The following FHDC1 variants were observed in gnomAD, a reference collection of about 807,000 sequenced individuals.
FHDC1 encodes the protein FH2 domain containing 1.
A neutral mutation model predicts 52.6 loss-of-function variants in FHDC1; 25 were observed. The ratio of observed to expected loss-of-function variants is 0.48; its 90% CI spans 0.35 to 0.66. FHDC1 has a LOEUF of 0.66. Among genes scored for constraint, FHDC1 ranks in the 30% least tolerant of loss-of-function variants. FHDC1 has a pLI of 0.01. For synonymous variants in FHDC1, 616 were observed against 581.5 expected, an observed-to-expected ratio of 1.06 and a Z score of -0.85; for missense variants, 1,459 against 1,452.8, an observed-to-expected ratio of 1.00 and a Z score of -0.07.
intron 10 of FHDC1, among the ~76,000 whole-genome samples, chr4:152,969,965 T>C (rs1370174251): frequency 1.3e-5 from 2 of 152,208 alleles, no homozygotes; most frequent in Admixed American, 6.5e-5. Flanking sequence ...GCCAACCCAG[T>C]CATTTTTATC....
intron 9 of FHDC1, among the ~76,000 whole-genome samples, chr4:152,965,634 T>C (rs1022733721): frequency 2.6e-5 from 4 of 152,242 alleles, no homozygotes; most frequent in African/African-American, 9.6e-5. Context: ...CGGTAAATGT[T>C]CAATAACCAG....
At chr4:152,969,030 A>G (rs940288678) in intron 10 of FHDC1, among the ~76,000 whole-genome samples, 1 of 151,978 alleles carries the variant, frequency 6.6e-6, no homozygotes, top group Admixed American at 6.6e-5. Context: ...TGTTTGTGAC[A>G]GCTCACTGTG....
rs559788253 is a variant in FHDC1 at position 152,977,973 on chromosome 4, A to C, written c.*1250A>C. 7 of 152,402 alleles carry C rather than the reference A, an allele frequency of 4.6e-5. No individual in the cohort carries two copies. Among genetic ancestry groups the C allele is most frequent in the African/African-American group, 1.4e-4 (6 of 41,590 alleles). 9.4% of individuals were successfully genotyped at this position (152,402 alleles called of 1,614,324 possible). ...AGGAACAGGAGGGAAAGTTGGACTC[A>C]GACAGAAATCAGATGCTTCCATGTA... On this transcript the variant is annotated 3_prime_UTR_variant, in exon 12 of 12. Transcript: ENST00000511601.
Position 152,976,081 on chromosome 4 carries a change from TC to T in FHDC1, c.2796del (p.Ser933AlafsTer115). On this transcript the variant is annotated frameshift_variant, in exon 12 of 12. Transcript: ENST00000511601. LOFTEE classifies it low-confidence loss of function (END_TRUNC). ...TGTCATCCCGGGGGCCCTCCCAGAATCCCCCCAGCAGCACAGATACTGTGTG... is the reference window on the plus strand; with the variant it reads ...TGTCATCCCGGGGGCCCTCCCAGAATCCCCCAGCAGCACAGATACTGTGTG... ...ELSSRGPSQN[P>X]PSSTDTVWSR... The T allele has an allele frequency of 1.2e-6, 2 of 1,603,146 alleles. No individual in the cohort carries two copies. Among genetic ancestry groups the T allele is most frequent in the South Asian group, 1.1e-5 (1 of 89,980 alleles).
chr4:152,942,924 C>A lies in FHDC1; in HGVS notation c.-130-4C>A. On this transcript the variant is annotated splice_region_variant and splice_polypyrimidine_tract_variant and intron_variant, in intron 1 of 11. Coordinates refer to ENST00000511601, the MANE Select transcript of FHDC1 (RefSeq NM_001371116.1). ...CTGATTTGATATTTATTTTATCTTGCTAGGTTTGGAAGAGGACAGTTGCCC... is the reference window on the plus strand; with the variant it reads ...CTGATTTGATATTTATTTTATCTTGATAGGTTTGGAAGAGGACAGTTGCCC... 1.1e-6 allele frequency: 1 copy of A among 895,624 alleles called. No homozygotes were observed. Among genetic ancestry groups the A allele is most frequent in the Non-Finnish European group, 1.7e-6 (1 of 593,138 alleles). The allele number at this position is 895,624 out of a possible 1,614,324, so 55.5% of individuals were successfully genotyped here.
the FHDC1 span, among the ~76,000 whole-genome samples, chr4:152,917,649 TA>T: frequency 1.3e-5 from 2 of 151,628 alleles, no homozygotes; most frequent in Non-Finnish European, 2.9e-5. Flanking sequence ...TGGCAATGGT[TA>T]CTATATAATC....
chr4:152,936,652 G>A (rs920831624), intron 1 of FHDC1, among the ~76,000 whole-genome samples: 6 of 152,270 alleles, frequency 3.9e-5, no homozygotes, highest in East Asian at 1.9e-4. Context: ...CCCTTACCCG[G>A]CCACGGAGAA....
At position 152,970,546 on chromosome 4, in the gene FHDC1, C is replaced by T. The variant is rs1190414531; in HGVS notation, c.1219-1831C>T. On this transcript the variant is annotated intron_variant, in intron 10 of 11. Coordinates refer to ENST00000511601, the MANE Select transcript of FHDC1 (RefSeq NM_001371116.1). ...AACATACGAGGTGGAGCTGAGCTCCCATGTAGATTCTTGTCAAGAGGCCTA... is the reference window on the plus strand; with the variant it reads ...AACATACGAGGTGGAGCTGAGCTCCTATGTAGATTCTTGTCAAGAGGCCTA... 2.6e-5 allele frequency among the ~76,000 whole-genome samples: 4 copies of T among 152,188 alleles called. No individual in the cohort carries two copies. In the East Asian group the frequency reaches 7.7e-4, roughly 29 times the overall value.
intron 3 of FHDC1, 51 bp from the exon 4 acceptor site, chr4:152,954,166 G>A: frequency 6.7e-7 from 1 of 1,502,046 alleles, no homozygotes; most frequent in South Asian, 1.1e-5. Flanking sequence ...TTGCACCTCT[G>A]TTGGCACTCC....
upstream of FHDC1, among the ~76,000 whole-genome samples, chr4:152,933,376 G>T (rs944090610): frequency 6.6e-6 from 1 of 152,194 alleles, no homozygotes; most frequent in Non-Finnish European, 1.5e-5. Context: ...GAACTCTATT[G>T]AAGAGTTGCG....
chr4:152,976,129 G>A lies in FHDC1; in HGVS notation c.2838G>A (p.Arg946=), dbSNP rs1189902401. 15 of 1,611,466 alleles carry A rather than the reference G, an allele frequency of 9.3e-6. No homozygotes were observed. Among genetic ancestry groups the A allele is most frequent in the Non-Finnish European group, 1.3e-5 (15 of 1,179,186 alleles). The change falls in exon 12 of 12, where the codon CGG becomes CGA. Residue 946 remains arginine, a synonymous_variant. Transcript: ENST00000511601. ...DTVWSRQNSV[R]RASTGAEEQR... is the part of the protein sequence containing the mutation. ...TGTGGTCACGCCAGAACTCCGTGCGGAGGGCCTCCACAGGCGCCGAAGAGC... is the reference window on the plus strand; with the variant it reads ...TGTGGTCACGCCAGAACTCCGTGCGAAGGGCCTCCACAGGCGCCGAAGAGC...
At position 152,975,267 on chromosome 4, in the gene FHDC1, A is replaced by C; in HGVS notation, c.1976A>C (p.Gln659Pro). The C allele has an allele frequency of 6.2e-7, 1 of 1,613,514 alleles. No individual in the cohort carries two copies. The highest frequency in any genetic ancestry group is 8.5e-7 in the Non-Finnish European group (1 of 1,180,038). ...GAGCCGGTGAGCCTGGGCTCAGCAC[A>C]GTCCCCTCCTCTCTCGCCATTGGCT... ...YSEPVSLGSA[Q>P]SPPLSPLALG... Residue 659 changes from glutamine to proline, a missense_variant, in exon 12 of 12, where the codon CAG becomes CCG. This residue lies in a region of FHDC1 where 939 missense variants were observed against 854.5 expected (regional missense o/e 1.10). Coordinates refer to ENST00000511601, the MANE Select transcript of FHDC1 (RefSeq NM_001371116.1).
chr4:152,934,249 A>G (rs540119450), upstream of FHDC1, among the ~76,000 whole-genome samples: 24 of 152,356 alleles, frequency 1.6e-4, no homozygotes, highest in South Asian at 4.8e-3. Flanking sequence ...AGAATTTAAG[A>G]GAGACAAGCA....
the FHDC1 span, among the ~76,000 whole-genome samples, chr4:152,924,899 A>T: frequency 9.9e-5 from 15 of 151,062 alleles, no homozygotes; most frequent in Non-Finnish European, 1.8e-4. Context: ...TTTAGGAGAC[A>T]TACCTAATGC....
At chr4:152,923,006 A>C in the FHDC1 span, among the ~76,000 whole-genome samples, 3 of 152,108 alleles carry the variant, frequency 2.0e-5, no homozygotes, top group African/African-American at 7.2e-5. Context: ...AGTTCTGGCC[A>C]GGGCAATTAG....
At chr4:152,944,087 G>A (rs1253198357) in intron 2 of FHDC1, among the ~76,000 whole-genome samples, 1 of 152,146 alleles carries the variant, frequency 6.6e-6, no homozygotes, top group Non-Finnish European at 1.5e-5. Context: ...CTAGATTATG[G>A]CCATTGGGGA....
At chr4:152,968,954 G>A (rs3749596) in intron 10 of FHDC1, among the ~76,000 whole-genome samples, 115,498 of 151,956 alleles carry the variant, frequency 0.76, 44,585 homozygotes, top group Non-Finnish European at 0.84. Context: ...CCAGGAGTAC[G>A]CAGGGCCCAC....
At chr4:152,923,931 C>G in the FHDC1 span, among the ~76,000 whole-genome samples, 1 of 152,166 alleles carries the variant, frequency 6.6e-6, no homozygotes, top group Non-Finnish European at 1.5e-5. Flanking sequence ...CATTACCATT[C>G]AGGACATAGG....
intron 9 of FHDC1, among the ~76,000 whole-genome samples, chr4:152,965,860 T>C (rs1172154734): frequency 6.6e-6 from 1 of 152,200 alleles, no homozygotes; most frequent in Non-Finnish European, 1.5e-5. Context: ...ATGACATCTG[T>C]GAACCATATG....
Sources: allele counts gnomAD v4.1 joint callset (sites outside exome capture counted in the v4.1 genomes callset), GRCh38; gene constraint gnomAD v4.1.1; regional missense constraint gnomAD v4.1.1; transcripts MANE v1.5; gene names NCBI Gene and HGNC (gene_info 2026-07-23, HGNC 2026-07-21).